Variants in PKHD1L1 observed in about 807,000 individuals in gnomAD.
The protein encoded by PKHD1L1 is fibrocystin-L.
A neutral mutation model predicts 462.9 loss-of-function variants in PKHD1L1; 434 were observed. The observed-to-expected ratio is 0.94, with a 90% CI of 0.87 to 1.02. PKHD1L1 has a LOEUF of 1.02. Ranked by LOEUF, PKHD1L1 falls within the 50% of genes least tolerant of loss-of-function variation. PKHD1L1 has a pLI of 0.00. For missense variants in PKHD1L1, 5,202 were observed against 5,096.1 expected, an observed-to-expected ratio of 1.02 and a Z score of -0.63; for synonymous variants, 1,781 against 1,750.0, an observed-to-expected ratio of 1.02 and a Z score of -0.44.
chr8:109,505,847 G>C (rs1468361865), intron 68 of PKHD1L1, among the ~76,000 whole-genome samples: 1 of 152,202 alleles, frequency 6.6e-6, no homozygotes, highest in African/African-American at 2.4e-5. Flanking sequence ...TGAGGCTGCA[G>C]TCAGCTGTGA....
chr8:109,404,318 A>G (rs1365078095), intron 14 of PKHD1L1, among the ~76,000 whole-genome samples: 1 of 152,128 alleles, frequency 6.6e-6, no homozygotes, highest in African/African-American at 2.4e-5. Context: ...AAGCTGAATG[A>G]ATTGGTTATG....
Position 109,435,248 on chromosome 8 carries a change from G to A in PKHD1L1, c.3399G>A (p.Val1133=), listed in dbSNP as rs780864560. 3 of 1,613,864 alleles carry A rather than the reference G, an allele frequency of 1.9e-6. No homozygotes were observed. The highest frequency in any genetic ancestry group is 2.5e-6 in the Non-Finnish European group (3 of 1,179,820). ...NGSAGHAPVA[V]SMADVGLAQN... ...GTGCTGGACATGCCCCCGTTGCTGT[G>A]TCCATGGCTGATGTTGGACTAGCAC... The change falls in exon 29 of 78, where the codon GTG becomes GTA. Residue 1133 remains valine (V), a synonymous_variant. Coordinates refer to ENST00000378402, the MANE Select transcript of PKHD1L1 (RefSeq NM_177531.6).
chr8:109,452,203 T>C lies in PKHD1L1; in HGVS notation c.6430T>C (p.Cys2144Arg). 6.2e-7 allele frequency: 1 copy of C among 1,613,458 alleles called. No homozygotes were observed. Among genetic ancestry groups the C allele is most frequent in the Non-Finnish European group, 8.5e-7 (1 of 1,179,640 alleles). The change falls in exon 42 of 78, where the codon TGC (cysteine) becomes CGC (arginine). Residue 2144 changes from cysteine (C) to arginine (R), a missense_variant. This residue lies in a region of PKHD1L1 where 4,497 missense variants were observed against 4,336.8 expected (regional missense o/e 1.04). Transcript: ENST00000378402. Reference protein sequence around the residue: ...VEYSNKTHIICMTDAHTLSGW... With the variant: ...VEYSNKTHIIRMTDAHTLSGW... ...GTATTCCAACAAGACACACATCATC[T>C]GCATGACAGATGCCCATACTCTATC...
At position 109,420,635 on chromosome 8, in the gene PKHD1L1, T is replaced by C. The variant is rs1267991272; in HGVS notation, c.2642T>C (p.Met881Thr). Reference sequence around the variant, plus strand: ...ATGACAAACCAATATTCTGTTACCATGACTTCATACAATTGCAGTTACAAT... The same window carrying C: ...ATGACAAACCAATATTCTGTTACCACGACTTCATACAATTGCAGTTACAAT... ...PTMTNQYSVT[M>T]TSYNCSYNIP... Residue 881 changes from methionine (M) to threonine (T), a missense_variant, in exon 23 of 78, where the codon ATG becomes ACG. Around this residue, in one of 3 missense-constraint regions of PKHD1L1, gnomAD observed 4,497 missense variants for 4,336.8 expected, o/e 1.04. Transcript: ENST00000378402. 1.9e-6 allele frequency: 3 copies of C among 1,608,190 alleles called. No individual in the cohort carries two copies. The highest frequency in any genetic ancestry group is 2.5e-6 in the Non-Finnish European group (3 of 1,177,368).
At chr8:109,388,414 C>T in intron 6 of PKHD1L1, 83 bp from the exon 7 acceptor site, 1 of 955,142 alleles carries the variant, frequency 1.0e-6, no homozygotes, top group Non-Finnish European at 1.6e-6. Context: ...TTTAAGGGAA[C>T]CAGTGAGTTG....
chr8:109,447,105 C>G (rs577137586), intron 38 of PKHD1L1, among the ~76,000 whole-genome samples: 35 of 152,180 alleles, frequency 2.3e-4, no homozygotes, highest in African/African-American at 7.2e-4. Flanking sequence ...CACCTGTAGT[C>G]CCAGCTACTT....
In PKHD1L1 at chr8:109,523,324, A is replaced by G; in HGVS notation, c.12422A>G (p.Asn4141Ser). ...AACCAAGTCAATGGCCTTAGTGGAAATACAACAATTCCGTTTAGCAGCTGT... is the reference window on the plus strand; with the variant it reads ...AACCAAGTCAATGGCCTTAGTGGAAGTACAACAATTCCGTTTAGCAGCTGT... ...NNNQVNGLSG[N>S]TTIPFSSCWA... The change falls in exon 76 of 78, where the codon AAT becomes AGT. Residue 4141 changes from asparagine (N) to serine (S), a missense_variant. Coordinates refer to ENST00000378402, the MANE Select transcript of PKHD1L1 (RefSeq NM_177531.6). 6.2e-7 allele frequency: 1 copy of G among 1,613,234 alleles called. No homozygotes were observed. The highest frequency in any genetic ancestry group is 8.5e-7 in the Non-Finnish European group (1 of 1,179,382).
intron 14 of PKHD1L1, among the ~76,000 whole-genome samples, chr8:109,403,937 C>G (rs754777398): frequency 1.3e-5 from 2 of 152,060 alleles, no homozygotes; most frequent in Non-Finnish European, 2.9e-5. Flanking sequence ...AAGGCACTAC[C>G]TTGGGTACAC....
intron 68 of PKHD1L1, among the ~76,000 whole-genome samples, chr8:109,505,213 G>A: frequency 6.6e-6 from 1 of 152,022 alleles, no homozygotes; most frequent in East Asian, 1.9e-4. Context: ...TCCAATGACA[G>A]TCATTAATAG....
Position 109,531,868 on chromosome 8 carries a change from G to A in PKHD1L1, c.*1778G>A, listed in dbSNP as rs1010424250. 9.9e-5 allele frequency among the ~76,000 whole-genome samples: 15 copies of A among 152,084 alleles called. No individual in the cohort carries two copies. The highest frequency in any genetic ancestry group is 4.4e-5 in the Non-Finnish European group (3 of 68,000). ...ACCTCTGTTCCTGGGATAGGGAGGGGGAAAGAGACCCAACATGGGCCATTT... is the reference window on the plus strand; with the variant it reads ...ACCTCTGTTCCTGGGATAGGGAGGGAGAAAGAGACCCAACATGGGCCATTT... On this transcript the variant is annotated 3_prime_UTR_variant, in exon 78 of 78. Transcript: ENST00000378402.
intron 8 of PKHD1L1, 129 bp from the exon 9 acceptor site, chr8:109,390,323 T>C (rs1406895360): frequency 2.2e-6 from 1 of 461,254 alleles, no homozygotes; most frequent in African/African-American, 2.0e-5. Context: ...TGATGATGAA[T>C]ATAAAATTGG....
chr8:109,463,143 T>C (rs534576882), intron 48 of PKHD1L1, among the ~76,000 whole-genome samples: 45 of 152,274 alleles, frequency 3.0e-4, no homozygotes, highest in African/African-American at 1.1e-3. Context: ...TAGTAGATTC[T>C]CAGTTGATTA....
intron 72 of PKHD1L1, among the ~76,000 whole-genome samples, chr8:109,517,106 G>C (rs1444309374): frequency 1.3e-5 from 2 of 152,100 alleles, no homozygotes; most frequent in East Asian, 3.9e-4. Context: ...GTAATGTAAA[G>C]AATTGATAAT....
At chr8:109,513,865 C>A (rs1453889772) in intron 71 of PKHD1L1, among the ~76,000 whole-genome samples, 1 of 152,156 alleles carries the variant, frequency 6.6e-6, no homozygotes, top group Admixed American at 6.5e-5. Flanking sequence ...TTTCCTGGAT[C>A]ATGGTAATTG....
Position 109,496,998 on chromosome 8 carries a change from C to T in PKHD1L1, c.10407C>T (p.Gly3469=), listed in dbSNP as rs1484489602. 1 of 1,613,184 alleles carries T rather than the reference C, an allele frequency of 6.2e-7. No individual in the cohort carries two copies. Among genetic ancestry groups the T allele is most frequent in the Non-Finnish European group, 8.5e-7 (1 of 1,179,390 alleles). ...GLYGIYMNQD[G]LPGCSLIQGF... is the part of the protein sequence containing the mutation. ...ATGGGATCTATATGAACCAAGATGG[C>T]CTTCCTGGATGTTCTCTTATACAAG... The change falls in exon 64 of 78, where the codon GGC becomes GGT. Residue 3469 remains glycine, a synonymous_variant. Coordinates refer to ENST00000378402, the MANE Select transcript of PKHD1L1 (RefSeq NM_177531.6).
intron 47 of PKHD1L1, 76 bp downstream of exon 47, chr8:109,459,912 C>T: frequency 8.0e-7 from 1 of 1,251,582 alleles, no homozygotes; most frequent in Non-Finnish European, 1.1e-6. Context: ...TATTGAAATA[C>T]ATTATTTCAA....
At chr8:109,521,990 A>C (rs1005519957) in intron 73 of PKHD1L1, among the ~76,000 whole-genome samples, 196 bp from the exon 74 acceptor site, 1 of 152,086 alleles carries the variant, frequency 6.6e-6, no homozygotes, top group Non-Finnish European at 1.5e-5. Context: ...TTCCAACTTA[A>C]AATATATTCT....
In PKHD1L1 at chr8:109,449,461, TA is replaced by T; in HGVS notation, c.6150del (p.Leu2051TyrfsTer18). The T allele has an allele frequency of 6.3e-7, 1 of 1,598,708 alleles. No individual in the cohort carries two copies. The highest frequency in any genetic ancestry group is 8.5e-7 in the Non-Finnish European group (1 of 1,172,116). On this transcript the variant is annotated frameshift_variant, in exon 40 of 78. Transcript: ENST00000378402. LOFTEE classifies it high-confidence loss of function. ...IDRLRSDYTT[L>X]LCEIPSNNGT... The stretch of plus-strand genomic sequence containing the variant: ...AGGCTTAGATCTGATTACACAACAC[TA>T]TTATGTGAAATTCCATCTAATAATG...
chr8:109,396,494 C>A (rs767411555), intron 11 of PKHD1L1, among the ~76,000 whole-genome samples: 2 of 152,128 alleles, frequency 1.3e-5, no homozygotes, highest in Non-Finnish European at 2.9e-5. Flanking sequence ...TATTTCTCAG[C>A]GAGTTAGCTA....
Sources: allele counts gnomAD v4.1 joint callset (sites outside exome capture counted in the v4.1 genomes callset), GRCh38; gene constraint gnomAD v4.1.1; regional missense constraint gnomAD v4.1.1; transcripts MANE v1.5; gene names NCBI Gene and HGNC (gene_info 2026-07-23, HGNC 2026-07-21).